MFSD2A: variants seen among roughly 807,000 people sequenced by gnomAD.
MFSD2A encodes MFSD2 lysolipid transporter A, lysophospholipid.
Under a neutral mutation model 64.7 loss-of-function variants are expected in MFSD2A, and 27 were observed. The ratio of observed to expected loss-of-function variants is 0.42; its 90% CI spans 0.31 to 0.58. MFSD2A has a LOEUF of 0.58. Ranked by LOEUF, MFSD2A falls within the 20% of genes least tolerant of loss-of-function variation. The pLI is 0.18. For synonymous variants in MFSD2A, 258 were observed against 273.4 expected (o/e 0.94, Z 0.55); for missense variants, 474 against 679.5 (o/e 0.70, Z 3.36).
chr1:39,965,220 C>T lies in MFSD2A; in HGVS notation c.363C>T (p.Phe121=), dbSNP rs1481035952. ...CLGRLMPWII[F]STPLAVIAYF... is the part of the protein sequence containing the mutation. Reference sequence around the variant, plus strand: ...CCCTCCTCTTCCTCAGGATCATCTTCTCCACGCCCCTGGCCGTCATTGCCT... The same window carrying T: ...CCCTCCTCTTCCTCAGGATCATCTTTTCCACGCCCCTGGCCGTCATTGCCT... The change falls in exon 4 of 14, where the codon TTC becomes TTT. Residue 121 remains phenylalanine (F), a synonymous_variant. Transcript: ENST00000372811. The surrounding 1 kb of genome is among the most constrained non-coding windows in gnomAD (Gnocchi z 5.5). 1.9e-6 allele frequency: 3 copies of T among 1,614,174 alleles called. No individual in the cohort carries two copies. Among genetic ancestry groups the T allele is most frequent in the Non-Finnish European group, 2.5e-6 (3 of 1,180,030 alleles).
rs1281499458 is a variant in MFSD2A, at chr1:39,955,449, G to A, written c.93+64G>A. 7.5e-6 allele frequency: 11 copies of A among 1,475,106 alleles called. No homozygotes were observed. Among genetic ancestry groups the A allele is most frequent in the Admixed American group, 2.1e-5 (1 of 46,976 alleles). 91.4% of individuals were successfully genotyped at this position (1,475,106 alleles called of 1,614,324 possible). A position where few individuals can be genotyped will look rare whatever the true frequency, so the allele number is the denominator to read the frequency against. On this transcript the variant is annotated intron_variant, in intron 1 of 13. Transcript: ENST00000372811. The surrounding 1 kb of genome is among the most constrained non-coding windows in gnomAD (Gnocchi z 5.9). ...GAGGAGGCGGAAATGGGGGATCAGG[G>A]GCGTCCCGGGGTCGGCCTGGTCAGG...
In MFSD2A at chr1:39,963,218, C is replaced by T; in HGVS notation, c.354-1993C>T. On this transcript the variant is annotated intron_variant, in intron 3 of 13. Coordinates refer to ENST00000372811, the MANE Select transcript of MFSD2A (RefSeq NM_032793.5). This position sits in a 1 kb window ranked among gnomAD's most constrained non-coding sequence, Gnocchi z 4.2. Reference sequence around the variant, plus strand: ...TGGCTGGTATCGATGACTGCTACACCTCAGCCCGGGGCTGCACTGCCACCC... The same window carrying T: ...TGGCTGGTATCGATGACTGCTACACTTCAGCCCGGGGCTGCACTGCCACCC... 1.3e-6 allele frequency: 2 copies of T among 1,579,464 alleles called. No homozygotes were observed. Among genetic ancestry groups the T allele is most frequent in the East Asian group, 2.2e-5 (1 of 44,792 alleles).
Position 39,955,780 on chromosome 1 carries a change from C to A in MFSD2A, c.93+395C>A. On this transcript the variant is annotated intron_variant, in intron 1 of 13. Coordinates refer to ENST00000372811, the MANE Select transcript of MFSD2A (RefSeq NM_032793.5). The surrounding 1 kb of genome is among the most constrained non-coding windows in gnomAD (Gnocchi z 5.9). ...ATCCCCTACCTCCCACTCCACCCAC[C>A]TACTCTTGCGCCTCAACTCTGCTGT... The A allele has an allele frequency of 2.4e-6, 1 of 418,530 alleles. No homozygotes were observed. The highest frequency in any genetic ancestry group is 4.7e-6 in the Non-Finnish European group (1 of 213,874). The allele number at this position is 418,530 out of a possible 1,614,324, so 25.9% of individuals were successfully genotyped here.
chr1:39,963,693 C>T lies in MFSD2A; in HGVS notation c.354-1518C>T, dbSNP rs78697122. ...GGTTCTCTAATATTTCTTTTTTGGG[C>T]AGTGCAGTTTTAACATTCCACATTA... is the stretch of plus-strand genomic sequence containing the variant. On this transcript the variant is annotated intron_variant, in intron 3 of 13. Coordinates refer to ENST00000372811, the MANE Select transcript of MFSD2A (RefSeq NM_032793.5). This position sits in a 1 kb window ranked among gnomAD's most constrained non-coding sequence, Gnocchi z 4.2. Among the ~76,000 whole-genome samples, 1 of 152,068 alleles carries T rather than the reference C, an allele frequency of 6.6e-6. No individual in the cohort carries two copies.
chr1:39,961,761 CT>C (rs1645049620), intron 3 of MFSD2A, among the ~76,000 whole-genome samples: 1 of 152,216 alleles, frequency 6.6e-6, no homozygotes, highest in South Asian at 2.1e-4. Context: ...ATACTCCTGC[CT>C]CGGCCTCCCA....
In MFSD2A at chr1:39,963,363, CTCA is replaced by C. The variant is rs762080086; in HGVS notation, c.354-1844_354-1842del. ...TCCCGATCAGGAATTCACTGACCAC[CTCA>C]TCAAGACCCACCAGGCTCCAGCTGT... On this transcript the variant is annotated intron_variant, in intron 3 of 13. Coordinates refer to ENST00000372811, the MANE Select transcript of MFSD2A (RefSeq NM_032793.5). This position sits in a 1 kb window ranked among gnomAD's most constrained non-coding sequence, Gnocchi z 4.2. The C allele has an allele frequency of 2.7e-6, 2 of 750,438 alleles. No individual in the cohort carries two copies. Among genetic ancestry groups the C allele is most frequent in the Non-Finnish European group, 4.5e-6 (2 of 443,040 alleles). 46.5% of individuals were successfully genotyped at this position (750,438 alleles called of 1,614,324 possible).
Position 39,958,921 on chromosome 1 carries a change from T to A in MFSD2A, c.353+96T>A. Reference sequence around the variant, plus strand: ...CTCTGTCTTGTCACAGGCAGAAGGGTGAGGAGAAGGAAGGAGTTAAAAGCC... The same window carrying A: ...CTCTGTCTTGTCACAGGCAGAAGGGAGAGGAGAAGGAAGGAGTTAAAAGCC... On this transcript the variant is annotated intron_variant, in intron 3 of 13. Transcript: ENST00000372811. The surrounding 1 kb of genome is among the most constrained non-coding windows in gnomAD (Gnocchi z 4.7). 7.1e-7 allele frequency: 1 copy of A among 1,414,276 alleles called. No homozygotes were observed. The highest frequency in any genetic ancestry group is 9.5e-7 in the Non-Finnish European group (1 of 1,047,384). 87.6% of individuals were successfully genotyped at this position (1,414,276 alleles called of 1,614,324 possible).
Position 39,968,822 on chromosome 1 carries a change from C to G in MFSD2A, c.1529+77C>G. 6.7e-7 allele frequency: 1 copy of G among 1,493,708 alleles called. No individual in the cohort carries two copies. Among genetic ancestry groups the G allele is most frequent in the Non-Finnish European group, 9.2e-7 (1 of 1,091,930 alleles). 92.5% of individuals were successfully genotyped at this position (1,493,708 alleles called of 1,614,324 possible). On this transcript the variant is annotated intron_variant, in intron 13 of 13. Coordinates refer to ENST00000372811, the MANE Select transcript of MFSD2A (RefSeq NM_032793.5). The surrounding 1 kb of genome is among the most constrained non-coding windows in gnomAD (Gnocchi z 4.4). ...ACCCTCAATTTGTGTCTCCTGTGGC[C>G]AAGTCCAGACTCACCCCCCACACAT...
intron 1 of MFSD2A, among the ~76,000 whole-genome samples, chr1:39,956,426 C>CTGGG (rs1644929981): frequency 6.6e-6 from 1 of 152,314 alleles, no homozygotes. Context: ...GGAGCCTGGG[C>CTGGG]TGGGCTCAGG....
At position 39,966,894 on chromosome 1, in the gene MFSD2A, C is replaced by T; in HGVS notation, c.889C>T (p.Leu297Phe). ...CATGAGCCACGGCCCATACATCAAA[C>T]TTATTACTGGCTTCCTCTTCACCTC... is the stretch of plus-strand genomic sequence containing the variant. ...LVMSHGPYIK[L>F]ITGFLFTSLA... is the part of the protein sequence containing the mutation. The change falls in exon 8 of 14, where the codon CTT (leucine) becomes TTT (phenylalanine). Residue 297 changes from leucine (L) to phenylalanine (F), a missense_variant. By Grantham distance (22) the Leu-to-Phe change is conservative (BLOSUM62 0). Coordinates refer to ENST00000372811, the MANE Select transcript of MFSD2A (RefSeq NM_032793.5). 6.2e-7 allele frequency: 1 copy of T among 1,613,746 alleles called. No homozygotes were observed. The highest frequency in any genetic ancestry group is 8.5e-7 in the Non-Finnish European group (1 of 1,180,028).
chr1:39,961,308 A>C (rs1465186477), intron 3 of MFSD2A, among the ~76,000 whole-genome samples: 6 of 106,242 alleles, frequency 5.6e-5, no homozygotes, highest in African/African-American at 1.9e-4. Flanking sequence ...AACCAGGAAG[A>C]CTTTTCTTCC....
intron 3 of MFSD2A, chr1:39,962,842 G>T (rs190832434): frequency 2.0e-6 from 3 of 1,520,132 alleles, no homozygotes; most frequent in South Asian, 1.2e-5. Flanking sequence ...TTTTTCCTGG[G>T]GGCCTCTCTC....
rs1377101692 is a variant in MFSD2A at position 39,960,596 on chromosome 1, G to A, written c.353+1771G>A. On this transcript the variant is annotated intron_variant, in intron 3 of 13. Coordinates refer to ENST00000372811, the MANE Select transcript of MFSD2A (RefSeq NM_032793.5). This position sits in a 1 kb window ranked among gnomAD's most constrained non-coding sequence, Gnocchi z 4.8. ...GTCGCCTCATGAGGCCCAGCCAATGGGAGGCAGCCGCTCCCAGGGATGGTG... is the reference window on the plus strand; with the variant it reads ...GTCGCCTCATGAGGCCCAGCCAATGAGAGGCAGCCGCTCCCAGGGATGGTG... Among the ~76,000 whole-genome samples the A allele has an allele frequency of 2.0e-5, 3 of 152,254 alleles. No individual in the cohort carries two copies. The East Asian group carries it at 5.8e-4, about 29-fold the overall frequency.
chr1:39,956,357 T>TAG (rs1644928589), intron 1 of MFSD2A, among the ~76,000 whole-genome samples: 1 of 152,210 alleles, frequency 6.6e-6, no homozygotes, highest in Non-Finnish European at 1.5e-5. Flanking sequence ...CGGGCCCCCG[T>TAG]AGCTCTCTAG....
Position 39,969,599 on chromosome 1 carries a change from AG to A in MFSD2A, c.*32del, listed in dbSNP as rs1304967159. On this transcript the variant is annotated 3_prime_UTR_variant, in exon 14 of 14. Coordinates refer to ENST00000372811, the MANE Select transcript of MFSD2A (RefSeq NM_032793.5). ...GCCACGTTGCCCGAAGCCACCATGC[AG>A]AAGGCCACAGAAGGGATCAGGACCT... 1.9e-6 allele frequency: 3 copies of A among 1,592,756 alleles called. No homozygotes were observed. The South Asian group carries it at 3.4e-5, about 18-fold the overall frequency.
rs2124783785 is a variant in MFSD2A at position 39,968,985 on chromosome 1, G to A, written c.1529+240G>A. ...TCTAGTGAACAAGACAAAAATCTCT[G>A]TCCTTAAGGAGCCTGTTATAGGACG... On this transcript the variant is annotated intron_variant, in intron 13 of 13. Transcript: ENST00000372811. The surrounding 1 kb of genome is among the most constrained non-coding windows in gnomAD (Gnocchi z 4.4). Among the ~76,000 whole-genome samples, 1 of 152,170 alleles carries A rather than the reference G, an allele frequency of 6.6e-6. No homozygotes were observed. The highest frequency in any genetic ancestry group is 1.9e-4 in the East Asian group (1 of 5,200).
Position 39,965,067 on chromosome 1 carries a change from TG to T in MFSD2A, c.354-141del. The T allele has an allele frequency of 1.4e-5, 16 of 1,141,098 alleles. No individual in the cohort carries two copies. In the South Asian group the frequency reaches 2.4e-4, roughly 17 times the overall value. 70.7% of individuals were successfully genotyped at this position (1,141,098 alleles called of 1,614,324 possible). A position where few individuals can be genotyped will look rare whatever the true frequency, so the allele number is the denominator to read the frequency against. On this transcript the variant is annotated intron_variant, in intron 3 of 13. Transcript: ENST00000372811. This position sits in a 1 kb window ranked among gnomAD's most constrained non-coding sequence, Gnocchi z 5.5. ...TCAGCCTCTTCCCAGAGGCCCAGGA[TG>T]GGTGGATTTGGCAGGAGTATGGGGA... is the stretch of plus-strand genomic sequence containing the variant.
Position 39,955,546 on chromosome 1 carries a change from G to T in MFSD2A, c.93+161G>T, listed in dbSNP as rs911253813. The T allele has an allele frequency of 2.5e-6, 2 of 808,130 alleles. No individual in the cohort carries two copies. The highest frequency in any genetic ancestry group is 4.1e-5 in the Admixed American group (2 of 49,108). The allele number at this position is 808,130 out of a possible 1,614,324, so 50.1% of individuals were successfully genotyped here. ...ACCTGGGGGTGCCCTGGGACAGGGG[G>T]TGACGGAGAAAAGCTGTGGGCGCCC... On this transcript the variant is annotated intron_variant, in intron 1 of 13. Transcript: ENST00000372811. The surrounding 1 kb of genome is among the most constrained non-coding windows in gnomAD (Gnocchi z 5.9).
rs376332837 is a variant in MFSD2A, at chr1:39,966,982, G to A, written c.927+50G>A. The A allele has an allele frequency of 1.2e-4, 188 of 1,612,914 alleles. No individual in the cohort carries two copies. In the African/African-American group the frequency reaches 1.8e-3, roughly 16 times the overall value. On this transcript the variant is annotated intron_variant, in intron 8 of 13. Coordinates refer to ENST00000372811, the MANE Select transcript of MFSD2A (RefSeq NM_032793.5). ...CCTGAGAAGGAGGTGTAATGGGAGC[G>A]GGGTGAGCAGAGGTCTCTGGGGCTT...
Sources: allele counts gnomAD v4.1 joint callset (sites outside exome capture counted in the v4.1 genomes callset), GRCh38; gene constraint gnomAD v4.1.1; non-coding constraint Gnocchi (gnomAD v3.1); transcripts MANE v1.5; gene names NCBI Gene and HGNC (gene_info 2026-07-23, HGNC 2026-07-21).